The following SUPT3H variants were observed in gnomAD, a reference collection of about 807,000 sequenced individuals.
The protein encoded by SUPT3H is transcription initiation protein SPT3 homolog.
Under a neutral mutation model 44.3 loss-of-function variants are expected in SUPT3H, and 44 were observed. The ratio of observed to expected loss-of-function variants is 0.99; its 90% CI spans 0.78 to 1.28. The LOEUF is 1.28. Ranked by LOEUF, SUPT3H falls within the 50% of genes most tolerant of loss-of-function variation. SUPT3H has a pLI of 0.00. For synonymous variants in SUPT3H, 124 were observed against 125.6 expected (o/e 0.99, Z 0.09); for missense variants, 380 against 387.1 (o/e 0.98, Z 0.15).
chr6:45,182,096 C>T (rs1035935996), intron 2 of SUPT3H, among the ~76,000 whole-genome samples: 2 of 151,956 alleles, frequency 1.3e-5, no homozygotes, highest in Non-Finnish European at 2.9e-5. Flanking sequence ...ACCAAAGGTG[C>T]TGGAGCTGAT....
At chr6:45,120,791 A>AC (rs1378379977) in intron 2 of SUPT3H, among the ~76,000 whole-genome samples, 1 of 152,222 alleles carries the variant, frequency 6.6e-6, no homozygotes, top group African/African-American at 2.4e-5. Flanking sequence ...TATTAAAGCT[A>AC]CAAACCTGGG....
At chr6:45,245,311 T>C (rs1384227339) in intron 2 of SUPT3H, among the ~76,000 whole-genome samples, 1 of 152,146 alleles carries the variant, frequency 6.6e-6, no homozygotes, top group Non-Finnish European at 1.5e-5. Context: ...AAATTTACTA[T>C]TGTAACCATT....
chr6:45,155,755 A>C (rs1807715362), intron 2 of SUPT3H, among the ~76,000 whole-genome samples: 1 of 152,092 alleles, frequency 6.6e-6, no homozygotes. Flanking sequence ...GGGGAAAAGG[A>C]CTAAGGGGCA....
rs60416729 is a variant in SUPT3H, at chr6:45,322,454, A to G, written c.101+42747T>C. ...CTTTCCTGACTTCCTTAATCTTAAAAGTAAAATTAGTGCAAGTTTTCACTG... is the reference window on the plus strand; with the variant it reads ...CTTTCCTGACTTCCTTAATCTTAAAGGTAAAATTAGTGCAAGTTTTCACTG... On this transcript the variant is annotated intron_variant, in intron 2 of 10. Transcript: ENST00000371459. Among the ~76,000 whole-genome samples, 1,091 of 151,780 alleles carry G rather than the reference A, an allele frequency of 7.2e-3. 18 individuals are homozygous for G. The highest frequency in any genetic ancestry group is 0.025 in the African/African-American group (1,039 of 41,508).
chr6:45,056,879 C>T (rs905225200), intron 3 of SUPT3H, among the ~76,000 whole-genome samples: 3 of 151,974 alleles, frequency 2.0e-5, no homozygotes, highest in Non-Finnish European at 4.4e-5. Flanking sequence ...TCTTAAACAA[C>T]AACAAAATTA....
At chr6:45,291,253 C>T (rs541363925) in intron 2 of SUPT3H, among the ~76,000 whole-genome samples, 117 of 152,264 alleles carry the variant, frequency 7.7e-4, no homozygotes, top group South Asian at 3.7e-3. Flanking sequence ...GGGGAGAGTA[C>T]TACATCAAGG....
At chr6:44,998,240 G>A (rs571122028) in intron 6 of SUPT3H, among the ~76,000 whole-genome samples, 47 of 151,802 alleles carry the variant, frequency 3.1e-4, no homozygotes, top group African/African-American at 1.1e-3. Flanking sequence ...CATAAACTGG[G>A]TTAGATTCAG....
At chr6:45,251,924 G>GA (rs1363197886) in intron 2 of SUPT3H, among the ~76,000 whole-genome samples, 1 of 150,708 alleles carries the variant, frequency 6.6e-6, no homozygotes, top group Non-Finnish European at 1.5e-5. Context: ...TCATCGATAA[G>GA]AAAAAAAGAA....
chr6:45,109,579 T>C (rs755403571), intron 2 of SUPT3H, among the ~76,000 whole-genome samples: 3 of 152,210 alleles, frequency 2.0e-5, no homozygotes, highest in Admixed American at 6.5e-5. Context: ...ATCAGGTGTA[T>C]CATTTGATGA....
At chr6:45,210,096 C>CT (rs962773809) in intron 2 of SUPT3H, among the ~76,000 whole-genome samples, 5 of 151,840 alleles carry the variant, frequency 3.3e-5, no homozygotes, top group African/African-American at 4.8e-5. Context: ...ATGTATACTG[C>CT]TTTTTTTTAA....
At chr6:44,940,382 T>C (rs1457576290) in intron 9 of SUPT3H, among the ~76,000 whole-genome samples, 4 of 152,104 alleles carry the variant, frequency 2.6e-5, no homozygotes, top group Non-Finnish European at 5.9e-5. Flanking sequence ...TGGTTACAGA[T>C]TTATTCCACT....
intron 2 of SUPT3H, among the ~76,000 whole-genome samples, chr6:45,315,897 G>C (rs1584877883): frequency 6.6e-6 from 1 of 150,918 alleles, no homozygotes; most frequent in Non-Finnish European, 1.5e-5. Flanking sequence ...ATCAATCAAT[G>C]AGTGGATAAA....
chr6:44,968,544 C>CA (rs1280072478), intron 6 of SUPT3H, among the ~76,000 whole-genome samples: 1 of 152,040 alleles, frequency 6.6e-6, no homozygotes, highest in Non-Finnish European at 1.5e-5. Flanking sequence ...ACTCCTTACC[C>CA]AAAAGCTAAG....
intron 2 of SUPT3H, among the ~76,000 whole-genome samples, chr6:45,290,438 G>C (rs1726332778): frequency 8.7e-6 from 1 of 114,644 alleles, no homozygotes; most frequent in South Asian, 3.2e-4. Flanking sequence ...TCTGGAAAAA[G>C]ATCAGGGCAT....
chr6:44,992,737 T>TGG (rs1020234529), intron 6 of SUPT3H, among the ~76,000 whole-genome samples: 1 of 151,892 alleles, frequency 6.6e-6, no homozygotes, highest in Non-Finnish European at 1.5e-5. Flanking sequence ...GGTCCAAGGG[T>TGG]GGGGGACAAA....
chr6:45,328,848 T>C, intron 2 of SUPT3H: 1 of 1,496,434 alleles, frequency 6.7e-7, no homozygotes, highest in South Asian at 1.1e-5. Context: ...GGTATGATTC[T>C]TTGATAAACT....
rs571943104 is a variant in SUPT3H, at chr6:45,062,984, C to A, written c.187-42352G>T. Among the ~76,000 whole-genome samples the A allele has an allele frequency of 4.6e-5, 7 of 151,568 alleles. 1 individual carries two copies. The highest frequency in any genetic ancestry group is 1.9e-4 in the East Asian group (1 of 5,142). On this transcript the variant is annotated intron_variant, in intron 3 of 10. Coordinates refer to ENST00000371459, the MANE Select transcript of SUPT3H (RefSeq NM_003599.4). ...ACAGCTCAAGGAGACCTGCCTGCCT[C>A]TGTAGGCTCCACCTCTGGGGGCAGG...
chr6:44,973,065 T>C (rs1777820172), intron 6 of SUPT3H, among the ~76,000 whole-genome samples: 1 of 152,068 alleles, frequency 6.6e-6, no homozygotes, highest in African/African-American at 2.4e-5. Context: ...AGAAAATAGG[T>C]TTATCTTTTC....
At chr6:45,054,507 GCTC>G (rs1248280734) in intron 3 of SUPT3H, among the ~76,000 whole-genome samples, 1 of 151,992 alleles carries the variant, frequency 6.6e-6, no homozygotes, top group Non-Finnish European at 1.5e-5. Context: ...ATTTCTGAAG[GCTC>G]CTGTGTCATG....
Sources: gnomAD v4.1 joint callset for allele counts (sites outside exome capture counted in the v4.1 genomes callset) on GRCh38, gnomAD v4.1.1 for gene constraint, MANE v1.5 for transcripts, NCBI Gene and HGNC (gene_info 2026-07-23, HGNC 2026-07-21) for gene names.